Variants in RBFOX3 observed in about 807,000 individuals in gnomAD.
RBFOX3 encodes RNA binding protein fox-1 homolog 3.
Under a neutral mutation model 48.7 loss-of-function variants are expected in RBFOX3, and 17 were observed. The ratio of observed to expected loss-of-function variants is 0.35; its 90% CI spans 0.24 to 0.52. RBFOX3 has a LOEUF of 0.52. Ranked by LOEUF, RBFOX3 falls within the 20% of genes least tolerant of loss-of-function variation. The probability of loss-of-function intolerance (pLI) is 0.94; values close to 1 mark genes in which losing one functional copy is unlikely to be tolerated. For synonymous variants in RBFOX3, 212 were observed against 209.5 expected (o/e 1.01, Z -0.10); for missense variants, 382 against 497.5 (o/e 0.77, Z 2.21).
the RBFOX3 span, among the ~76,000 whole-genome samples, chr17:79,656,895 G>GGAA: frequency 0.14 from 15,897 of 116,216 alleles, 1,775 homozygotes; most frequent in Admixed American, 0.2. Flanking sequence ...GAAGGAAGGA[G>GGAA]GGAAGGAAGG....
chr17:79,274,196 C>T (rs1421088066), intron 3 of RBFOX3, among the ~76,000 whole-genome samples: 1 of 152,158 alleles, frequency 6.6e-6, no homozygotes, highest in East Asian at 1.9e-4. Flanking sequence ...TACAATTGTT[C>T]TCAAGATGTG....
At chr17:79,403,097 G>A (rs983210359) in intron 2 of RBFOX3, among the ~76,000 whole-genome samples, 3 of 152,190 alleles carry the variant, frequency 2.0e-5, no homozygotes, top group Admixed American at 6.5e-5. Flanking sequence ...GCTGGGAGAG[G>A]ACTGCAGCCA....
intron 1 of RBFOX3, among the ~76,000 whole-genome samples, chr17:79,578,531 A>G (rs1288378078): frequency 6.6e-6 from 1 of 152,190 alleles, no homozygotes; most frequent in African/African-American, 2.4e-5. Flanking sequence ...AGGCAGGTAG[A>G]TGAGGTGAAG....
chr17:79,263,710 A>G (rs1296539810), intron 3 of RBFOX3, among the ~76,000 whole-genome samples: 1 of 152,128 alleles, frequency 6.6e-6, no homozygotes, highest in Admixed American at 6.5e-5. Context: ...TGTTGCCTAG[A>G]ACGGTGCCTG....
the RBFOX3 span, among the ~76,000 whole-genome samples, chr17:79,622,343 C>T: frequency 6.6e-6 from 1 of 152,140 alleles, no homozygotes; most frequent in Non-Finnish European, 1.5e-5. Flanking sequence ...GAGTGGCAGC[C>T]CCGTACCCTG....
At chr17:79,648,899 C>A in the RBFOX3 span, among the ~76,000 whole-genome samples, 2 of 152,164 alleles carry the variant, frequency 1.3e-5, no homozygotes, top group Non-Finnish European at 2.9e-5. Flanking sequence ...ACCACAGCCA[C>A]CTGTGGTGTT....
chr17:79,216,737 G>C (rs2059107218), intron 4 of RBFOX3, among the ~76,000 whole-genome samples: 1 of 152,158 alleles, frequency 6.6e-6, no homozygotes, highest in South Asian at 2.1e-4. Flanking sequence ...CACAGAACAC[G>C]CAAACAGTAA....
chr17:79,413,774 G>A lies in RBFOX3; in HGVS notation c.-175+68680C>T, dbSNP rs370754066. On this transcript the variant is annotated intron_variant, in intron 2 of 14. Transcript: ENST00000693108. Reference sequence around the variant, plus strand: ...GAGCTCGCACCTGGGCACCCAGCCCGGGCCATCCTTCTGCGGCCTGGCCAG... The same window carrying A: ...GAGCTCGCACCTGGGCACCCAGCCCAGGCCATCCTTCTGCGGCCTGGCCAG... Among the ~76,000 whole-genome samples the A allele has an allele frequency of 3.7e-4, 57 of 152,306 alleles. No homozygotes were observed. The East Asian group carries it at 9.1e-3, about 24-fold the overall frequency.
At chr17:79,321,297 C>T (rs34062426) in intron 2 of RBFOX3, among the ~76,000 whole-genome samples, 34,518 of 152,192 alleles carry the variant, frequency 0.23, 4,280 homozygotes, top group East Asian at 0.35. Context: ...ACCAACTTCT[C>T]AGTGTCAGGG....
intron 2 of RBFOX3, among the ~76,000 whole-genome samples, chr17:79,425,546 G>A (rs1555725029): frequency 6.6e-6 from 1 of 152,254 alleles, no homozygotes; most frequent in Non-Finnish European, 1.5e-5. Flanking sequence ...GAGATATCTG[G>A]GAGACCCAAC....
rs959297368 is a variant in RBFOX3, at chr17:79,249,461, C to T, written c.-73-13656G>A. Among the ~76,000 whole-genome samples, 4 of 152,078 alleles carry T rather than the reference C, an allele frequency of 2.6e-5. No individual in the cohort carries two copies. The highest frequency in any genetic ancestry group is 1.9e-4 in the East Asian group (1 of 5,184). ...CGGCTCCTCCCAAAGTAGCAGATTC[C>T]GAGAGGCAGCAAACAACGGGCTTGG... On this transcript the variant is annotated intron_variant, in intron 3 of 14. Coordinates refer to ENST00000693108, the MANE Select transcript of RBFOX3 (RefSeq NM_001350451.2). The surrounding 1 kb of genome is among the most constrained non-coding windows in gnomAD (Gnocchi z 4.1).
rs1412199431 is a variant in RBFOX3 at position 79,212,784 on chromosome 17, TA to T, written c.-34+22981del. Among the ~76,000 whole-genome samples the T allele has an allele frequency of 6.6e-6, 1 of 152,138 alleles. No individual in the cohort carries two copies. The highest frequency in any genetic ancestry group is 2.4e-5 in the African/African-American group (1 of 41,450). On this transcript the variant is annotated intron_variant, in intron 4 of 14. Coordinates refer to ENST00000693108, the MANE Select transcript of RBFOX3 (RefSeq NM_001350451.2). This position sits in a 1 kb window ranked among gnomAD's most constrained non-coding sequence, Gnocchi z 4.7. ...GGGAATGGGAGAAAGTGCCTGGCTCTAAACAGAAGCCAGGCCCATTCTCTCC... is the reference window on the plus strand; with the variant it reads ...GGGAATGGGAGAAAGTGCCTGGCTCTAACAGAAGCCAGGCCCATTCTCTCC...
rs542171889 is a variant in RBFOX3 at position 79,364,687 on chromosome 17, C to A, written c.-174-56863G>T. 6.6e-6 allele frequency among the ~76,000 whole-genome samples: 1 copy of A among 152,106 alleles called. No individual in the cohort carries two copies. Among genetic ancestry groups the A allele is most frequent in the East Asian group, 1.9e-4 (1 of 5,180 alleles). ...CTGTTTGCTTTCTGGTGGGGAAGCA[C>A]GCTCTCCACTGATGGGGGACACCAT... is the stretch of plus-strand genomic sequence containing the variant. On this transcript the variant is annotated intron_variant, in intron 2 of 14. Transcript: ENST00000693108. This position sits in a 1 kb window ranked among gnomAD's most constrained non-coding sequence, Gnocchi z 5.1.
intron 2 of RBFOX3, among the ~76,000 whole-genome samples, chr17:79,426,915 G>T (rs1294550249): frequency 6.6e-6 from 1 of 152,068 alleles, no homozygotes; most frequent in South Asian, 2.1e-4. Flanking sequence ...TGTTGGTCAG[G>T]CTGGTCTCGA....
chr17:79,263,455 G>A (rs1485310329), intron 3 of RBFOX3, among the ~76,000 whole-genome samples: 1 of 152,220 alleles, frequency 6.6e-6, no homozygotes, highest in Non-Finnish European at 1.5e-5. Context: ...CCCTGGTCAG[G>A]TTTTTACCAG....
At chr17:79,635,157 C>A in the RBFOX3 span, among the ~76,000 whole-genome samples, 1 of 143,630 alleles carries the variant, frequency 7.0e-6, no homozygotes, top group South Asian at 2.4e-4. Flanking sequence ...AAATTGTCTG[C>A]TTCTGTAATT....
chr17:79,511,324 T>G (rs2084162496), intron 1 of RBFOX3, among the ~76,000 whole-genome samples: 1 of 152,110 alleles, frequency 6.6e-6, no homozygotes, highest in Admixed American at 6.5e-5. Context: ...TACCTATGCA[T>G]TTAGGTTTTA....
chr17:79,112,045 C>T (rs1338755894), intron 5 of RBFOX3, among the ~76,000 whole-genome samples: 1 of 152,332 alleles, frequency 6.6e-6, no homozygotes, highest in East Asian at 1.9e-4. Context: ...CTTCCCATCA[C>T]GGATGAGCAG....
chr17:79,139,876 C>G (rs887944488), intron 4 of RBFOX3, among the ~76,000 whole-genome samples: 6 of 152,182 alleles, frequency 3.9e-5, no homozygotes, highest in Admixed American at 6.5e-5. Flanking sequence ...TTCATCCCAG[C>G]CAGACGACGT....
Sources: gnomAD v4.1 joint callset for allele counts (sites outside exome capture counted in the v4.1 genomes callset) on GRCh38, gnomAD v4.1.1 for gene constraint, Gnocchi (gnomAD v3.1) non-coding constraint, MANE v1.5 for transcripts, NCBI Gene and HGNC (gene_info 2026-07-23, HGNC 2026-07-21) for gene names.